The following ADCY2 variants were observed in gnomAD, a reference collection of about 807,000 sequenced individuals.
ADCY2 encodes adenylate cyclase type 2.
In ADCY2, 31 loss-of-function variants were observed where a neutral mutation model predicts 125.2. The ratio of observed to expected loss-of-function variants is 0.25; its 90% CI spans 0.19 to 0.33. The LOEUF is 0.33. ADCY2 is among the 10% of genes least tolerant of loss of function. The pLI is 1.00. For synonymous variants in ADCY2, 512 were observed against 548.4 expected (o/e 0.93, Z 0.93); for missense variants, 904 against 1,418.2 (o/e 0.64, Z 5.82).
chr5:7,418,647 GTTTTTTTTTT>G lies in ADCY2; in HGVS notation c.408+3894_408+3903del, dbSNP rs869287430. 3.4e-4 allele frequency among the ~76,000 whole-genome samples: 25 copies of G among 73,764 alleles called. 1 individual carries two copies. The highest frequency in any genetic ancestry group is 3.0e-3 in the Admixed American group (22 of 7,218). The allele number at this position is 73,764 out of a possible 152,430, so 48.4% of individuals were successfully genotyped here. A position where few individuals can be genotyped will look rare whatever the true frequency, so the allele number is the denominator to read the frequency against. On this transcript the variant is annotated intron_variant, in intron 2 of 24. Coordinates refer to ENST00000338316, the MANE Select transcript of ADCY2 (RefSeq NM_020546.3). ...AATTAAAAACAAAAGTCTACCTTCT[GTTTTTTTTTT>G]TTTTTTTTTTTTTTTTGAGACTGAA...
At chr5:7,628,844 G>A (rs1307340516) in intron 4 of ADCY2, among the ~76,000 whole-genome samples, 1 of 151,372 alleles carries the variant, frequency 6.6e-6, no homozygotes, top group African/African-American at 2.4e-5. Context: ...AAAACCATCA[G>A]TAAGATATAA....
intron 2 of ADCY2, among the ~76,000 whole-genome samples, chr5:7,428,323 A>C (rs2126368583): frequency 6.6e-6 from 1 of 152,350 alleles, no homozygotes; most frequent in South Asian, 2.1e-4. Context: ...ACAAGGCATA[A>C]TTTTTAAGTG....
At chr5:7,821,127 G>T (rs1353613640) in intron 24 of ADCY2, among the ~76,000 whole-genome samples, 3 of 152,154 alleles carry the variant, frequency 2.0e-5, no homozygotes, top group Non-Finnish European at 4.4e-5. Context: ...GGAGAGGTGG[G>T]AGATGAAACA....
chr5:7,518,317 G>A (rs894930406), intron 2 of ADCY2, among the ~76,000 whole-genome samples: 26 of 152,098 alleles, frequency 1.7e-4, no homozygotes, highest in Non-Finnish European at 5.9e-5. Flanking sequence ...GCCCCAGCCT[G>A]CCTGTGTAGA....
chr5:7,690,954 G>T, intron 5 of ADCY2, 115 bp downstream of exon 5: 2 of 1,226,608 alleles, frequency 1.6e-6, no homozygotes, highest in Admixed American at 3.0e-5. Flanking sequence ...TGGATCCTTT[G>T]CAGGGGAAAT....
At chr5:7,723,649 G>A (rs1210436321) in intron 12 of ADCY2, among the ~76,000 whole-genome samples, 4 of 152,032 alleles carry the variant, frequency 2.6e-5, no homozygotes, top group East Asian at 1.9e-4. Flanking sequence ...CGGGACAGGC[G>A]CGGTGGCTCA....
In ADCY2 at chr5:7,444,766, G is replaced by A. The variant is rs116008728; in HGVS notation, c.408+29996G>A. ...CCCCAGTAGTGCCTAACAGTGCCTG[G>A]GTTGCAGCTTGCCAATCAGGTGAGT... On this transcript the variant is annotated intron_variant, in intron 2 of 24. Coordinates refer to ENST00000338316, the MANE Select transcript of ADCY2 (RefSeq NM_020546.3). Among the ~76,000 whole-genome samples the A allele has an allele frequency of 4.4e-3, 675 of 152,234 alleles. 7 individuals are homozygous for A. The highest frequency in any genetic ancestry group is 0.016 in the African/African-American group (657 of 41,532).
At chr5:7,607,894 T>C (rs1161336089) in intron 3 of ADCY2, among the ~76,000 whole-genome samples, 2 of 152,302 alleles carry the variant, frequency 1.3e-5, no homozygotes, top group East Asian at 1.9e-4. Context: ...TGGTGAATGA[T>C]GTAATCACAC....
At chr5:7,791,137 G>T (rs752264470) in intron 20 of ADCY2, among the ~76,000 whole-genome samples, 1 of 152,014 alleles carries the variant, frequency 6.6e-6, no homozygotes, top group Non-Finnish European at 1.5e-5. Flanking sequence ...GGGGTGCTCC[G>T]TGGCCCTTCT....
At chr5:7,813,684 A>C (rs903055981) in intron 22 of ADCY2, among the ~76,000 whole-genome samples, 1 of 152,226 alleles carries the variant, frequency 6.6e-6, no homozygotes, top group African/African-American at 2.4e-5. Context: ...TGCTAAGCCC[A>C]AATGACTTAC....
chr5:7,498,404 G>C (rs1357360263), intron 2 of ADCY2, among the ~76,000 whole-genome samples: 1 of 151,438 alleles, frequency 6.6e-6, no homozygotes, highest in Non-Finnish European at 1.5e-5. Context: ...GCCCCCCACC[G>C]CACCTGGCTA....
rs531866704 is a variant in ADCY2 at position 7,502,250 on chromosome 5, T to G, written c.409-18488T>G. ...CCTCTGCCTAAGCACACTATGCTAT[T>G]TACTTGGTGGCAGTCCCCAGATTAA... On this transcript the variant is annotated intron_variant, in intron 2 of 24. Coordinates refer to ENST00000338316, the MANE Select transcript of ADCY2 (RefSeq NM_020546.3). Among the ~76,000 whole-genome samples the G allele has an allele frequency of 2.0e-5, 3 of 152,254 alleles. No individual in the cohort carries two copies. In the South Asian group the frequency reaches 6.2e-4, roughly 32 times the overall value.
intron 3 of ADCY2, among the ~76,000 whole-genome samples, chr5:7,566,792 A>G (rs1735906917): frequency 6.6e-6 from 1 of 152,158 alleles, no homozygotes; most frequent in African/African-American, 2.4e-5. Context: ...ATGGTTGTCC[A>G]CATGTTCTGG....
chr5:7,429,601 C>A (rs1189569164), intron 2 of ADCY2, among the ~76,000 whole-genome samples: 1 of 152,104 alleles, frequency 6.6e-6, no homozygotes, highest in African/African-American at 2.4e-5. Flanking sequence ...AAATCAATAA[C>A]ATTAAAAAGT....
chr5:7,752,701 A>AG (rs1378359965), intron 15 of ADCY2, among the ~76,000 whole-genome samples: 3 of 124,758 alleles, frequency 2.4e-5, no homozygotes, highest in South Asian at 2.4e-4. Flanking sequence ...AAACAAGGGA[A>AG]GAAAAAAAAA....
intron 7 of ADCY2, among the ~76,000 whole-genome samples, chr5:7,705,108 G>A (rs1330659330): frequency 1.2e-4 from 18 of 152,156 alleles, no homozygotes; most frequent in Admixed American, 1.2e-3. Context: ...GGTTGGAAAT[G>A]TCCTCTCAAC....
chr5:7,813,025 C>T (rs1420718171), intron 22 of ADCY2, among the ~76,000 whole-genome samples: 1 of 152,246 alleles, frequency 6.6e-6, no homozygotes, highest in Non-Finnish European at 1.5e-5. Flanking sequence ...ATTGAAGAAA[C>T]TGGAGCTGAA....
At chr5:7,777,930 A>T (rs992491574) in intron 18 of ADCY2, among the ~76,000 whole-genome samples, 6 of 152,318 alleles carry the variant, frequency 3.9e-5, no homozygotes, top group Non-Finnish European at 2.9e-5. Flanking sequence ...CCAGTATTTA[A>T]CGTGACCTGC....
intron 9 of ADCY2, 148 bp downstream of exon 9, chr5:7,707,986 G>A: frequency 3.6e-6 from 3 of 826,162 alleles, no homozygotes; most frequent in South Asian, 4.3e-5. Flanking sequence ...TTTAATTACA[G>A]AAGATGTTTT....
Sources: allele counts gnomAD v4.1 joint callset (sites outside exome capture counted in the v4.1 genomes callset), GRCh38; gene constraint gnomAD v4.1.1; transcripts MANE v1.5; gene names NCBI Gene and HGNC (gene_info 2026-07-23, HGNC 2026-07-21).